The following GNG7 variants were observed in gnomAD, a reference collection of about 807,000 sequenced individuals.
GNG7 encodes the protein guanine nucleotide-binding protein G(I)/G(S)/G(O) subunit gamma-7.
A neutral mutation model predicts 4.0 loss-of-function variants in GNG7; 1 was observed. The observed-to-expected ratio is 0.25, with a 90% CI of 0.09 to 1.18. The LOEUF (loss-of-function observed/expected upper bound fraction) is 1.18, where lower values mean the gene tolerates loss of function less well. GNG7 is among the 50% of genes most tolerant of loss of function. GNG7 has a pLI of 0.50. For synonymous variants in GNG7, 34 were observed against 36.9 expected (o/e 0.92, Z 0.29); for missense variants, 86 against 91.9 (o/e 0.94, Z 0.26).
At chr19:2,578,014 T>C (rs1980394695) in intron 2 of GNG7, among the ~76,000 whole-genome samples, 1 of 152,014 alleles carries the variant, frequency 6.6e-6, no homozygotes. Flanking sequence ...ATTCTTTTAT[T>C]TTTTTGTAGA....
At chr19:2,643,550 T>C in intron 2 of GNG7, 1 of 362,432 alleles carries the variant, frequency 2.8e-6, no homozygotes. Flanking sequence ...CCACTGGAAA[T>C]GCAAAGTCCG....
intron 3 of GNG7, among the ~76,000 whole-genome samples, chr19:2,532,007 C>T (rs1269137017): frequency 7.3e-5 from 11 of 151,716 alleles, no homozygotes; most frequent in Non-Finnish European, 1.3e-4. Flanking sequence ...AAAAATTAGC[C>T]GGGCGCCATG....
At chr19:2,544,288 C>T (rs1427167621) in intron 3 of GNG7, among the ~76,000 whole-genome samples, 2 of 152,182 alleles carry the variant, frequency 1.3e-5, no homozygotes, top group Non-Finnish European at 2.9e-5. Flanking sequence ...GTGGCTGGGG[C>T]AGCTGGGTTT....
intron 2 of GNG7, among the ~76,000 whole-genome samples, chr19:2,627,045 A>G (rs1982038870): frequency 6.6e-6 from 1 of 151,930 alleles, no homozygotes; most frequent in Non-Finnish European, 1.5e-5. Flanking sequence ...CCTGGGACTC[A>G]TCTCCTCTCT....
intron 2 of GNG7, among the ~76,000 whole-genome samples, chr19:2,555,763 G>A (rs1193720990): frequency 6.6e-6 from 1 of 152,138 alleles, no homozygotes; most frequent in Non-Finnish European, 1.5e-5. Flanking sequence ...ACGTCTCCAG[G>A]CCCCGGTGAT....
intron 3 of GNG7, among the ~76,000 whole-genome samples, chr19:2,542,613 G>A (rs1190608151): frequency 6.6e-6 from 1 of 152,202 alleles, no homozygotes; most frequent in Non-Finnish European, 1.5e-5. Flanking sequence ...GGCAGAGGAC[G>A]TCATTGCACC....
intron 2 of GNG7, among the ~76,000 whole-genome samples, chr19:2,599,932 A>C (rs1035280166): frequency 6.6e-6 from 1 of 150,842 alleles, no homozygotes; most frequent in Non-Finnish European, 1.5e-5. Flanking sequence ...GCAAGACTCC[A>C]TCTCAAAAAA....
At chr19:2,515,327 A>G (rs776658482) in intron 4 of GNG7, among the ~76,000 whole-genome samples, 180 bp from the exon 5 acceptor site, 1 of 152,160 alleles carries the variant, frequency 6.6e-6, no homozygotes, top group Non-Finnish European at 1.5e-5. Flanking sequence ...CATGAAAAGG[A>G]GTGAGGCTCT....
At chr19:2,554,564 T>A (rs145998568) in intron 3 of GNG7, among the ~76,000 whole-genome samples, 4,570 of 148,296 alleles carry the variant, frequency 0.031, 85 homozygotes, top group African/African-American at 0.056. Context: ...TATATATTTT[T>A]TTTTTTTTGA....
chr19:2,527,221 C>T (rs886273576), intron 3 of GNG7, among the ~76,000 whole-genome samples: 6 of 152,222 alleles, frequency 3.9e-5, no homozygotes, highest in African/African-American at 1.4e-4. Flanking sequence ...CACGCACCCT[C>T]TCCCGGTCCC....
At chr19:2,682,254 C>G (rs1170509942) in intron 1 of GNG7, among the ~76,000 whole-genome samples, 2 of 152,114 alleles carry the variant, frequency 1.3e-5, no homozygotes, top group East Asian at 1.9e-4. Context: ...ATAATCAACT[C>G]CACAGCTAGA....
intron 1 of GNG7, among the ~76,000 whole-genome samples, chr19:2,657,359 AAAATATATATATAT>A (rs1983016314): frequency 7.4e-5 from 1 of 13,478 alleles, no homozygotes; most frequent in African/African-American, 2.0e-4. Flanking sequence ...AAAAAAAAAA[AAAATATATATATAT>A]ATATATATAT....
intron 3 of GNG7, among the ~76,000 whole-genome samples, chr19:2,523,246 G>A (rs950115658): frequency 6.6e-6 from 1 of 151,752 alleles, no homozygotes; most frequent in Non-Finnish European, 1.5e-5. Flanking sequence ...GAGGGAGATA[G>A]GTCTCTGTAT....
At chr19:2,698,980 C>T (rs1913335054) in intron 1 of GNG7, among the ~76,000 whole-genome samples, 1 of 152,156 alleles carries the variant, frequency 6.6e-6, no homozygotes, top group South Asian at 2.1e-4. Context: ...GACGCACCTG[C>T]AGAATTTGAG....
At chr19:2,620,303 C>T (rs2144831662) in intron 2 of GNG7, among the ~76,000 whole-genome samples, 1 of 148,580 alleles carries the variant, frequency 6.7e-6, no homozygotes, top group South Asian at 2.1e-4. Context: ...GGCAGATCCC[C>T]CTGCACCCTG....
At chr19:2,610,832 GGGACCCAGGT>G (rs1981537049) in intron 2 of GNG7, 1 of 151,864 alleles carries the variant, frequency 6.6e-6, no homozygotes, top group African/African-American at 2.4e-5. Flanking sequence ...AGCGGCCTCA[GGGACCCAGGT>G]GGCCCCTGGG....
At chr19:2,696,542 C>T (rs1430606400) in intron 1 of GNG7, among the ~76,000 whole-genome samples, 1 of 152,170 alleles carries the variant, frequency 6.6e-6, no homozygotes, top group Non-Finnish European at 1.5e-5. Context: ...GCTCCATTGC[C>T]CAAAGGCAAA....
chr19:2,564,983 G>C (rs1464493102), intron 2 of GNG7, among the ~76,000 whole-genome samples: 18 of 151,850 alleles, frequency 1.2e-4, no homozygotes. Context: ...TTGAGACTAG[G>C]AGGTTGAGAC....
At chr19:2,527,776 C>T (rs959792937) in intron 3 of GNG7, among the ~76,000 whole-genome samples, 2 of 129,576 alleles carry the variant, frequency 1.5e-5, no homozygotes, top group Admixed American at 7.1e-5. Context: ...GCCAGGAAAC[C>T]CCCCCCCCCA....
Sources: allele counts gnomAD v4.1 joint callset (sites outside exome capture counted in the v4.1 genomes callset), GRCh38; gene constraint gnomAD v4.1.1; transcripts MANE v1.5; gene names NCBI Gene and HGNC (gene_info 2026-07-23, HGNC 2026-07-21).